Variants in ZNF618 observed in about 807,000 individuals in gnomAD.
ZNF618 encodes zinc finger protein 618.
Under a neutral mutation model 103.0 loss-of-function variants are expected in ZNF618, and 34 were observed. The ratio of observed to expected loss-of-function variants is 0.33; its 90% CI spans 0.25 to 0.44. ZNF618 has a LOEUF of 0.44. ZNF618 is among the 20% of genes least tolerant of loss of function. The pLI is 1.00. For missense variants in ZNF618, 1,059 were observed against 1,295.4 expected (o/e 0.82, Z 2.80); for synonymous variants, 551 against 542.2 (o/e 1.02, Z -0.23).
At chr9:113,987,223 G>A (rs1257300855) in intron 2 of ZNF618, among the ~76,000 whole-genome samples, 1 of 152,154 alleles carries the variant, frequency 6.6e-6, no homozygotes, top group Non-Finnish European at 1.5e-5. Context: ...AGGATGTGGG[G>A]CCCTTAGGAT....
chr9:113,999,152 A>G (rs746767849), intron 4 of ZNF618, among the ~76,000 whole-genome samples: 8 of 152,202 alleles, frequency 5.3e-5, no homozygotes, highest in Non-Finnish European at 1.0e-4. Flanking sequence ...CCCTGGCCCC[A>G]TCACAAAGGG....
intron 3 of ZNF618, among the ~76,000 whole-genome samples, chr9:113,991,089 T>G (rs1840017623): frequency 6.6e-6 from 1 of 152,202 alleles, no homozygotes; most frequent in Non-Finnish European, 1.5e-5. Context: ...CAGTCTGGAT[T>G]CAGTGGGGAA....
At chr9:113,939,515 T>C (rs1052108529) in intron 1 of ZNF618, among the ~76,000 whole-genome samples, 3 of 152,166 alleles carry the variant, frequency 2.0e-5, no homozygotes, top group Non-Finnish European at 4.4e-5. Flanking sequence ...TAACAAGAAT[T>C]GGAATGGTCT....
intron 1 of ZNF618, among the ~76,000 whole-genome samples, chr9:113,912,923 G>T (rs1031660592): frequency 6.6e-6 from 1 of 152,114 alleles, no homozygotes; most frequent in Non-Finnish European, 1.5e-5. Flanking sequence ...TTGTACCAGG[G>T]AACCTTGGGC....
chr9:113,886,331 G>A (rs1829068421), intron 1 of ZNF618, among the ~76,000 whole-genome samples: 1 of 152,312 alleles, frequency 6.6e-6, no homozygotes, highest in East Asian at 1.9e-4. Flanking sequence ...GGGGGACTAA[G>A]GGTGGGAATT....
chr9:113,941,382 C>T (rs1834534132), intron 1 of ZNF618, among the ~76,000 whole-genome samples: 1 of 152,108 alleles, frequency 6.6e-6, no homozygotes, highest in Admixed American at 6.6e-5. Flanking sequence ...TTTCCAGTTA[C>T]TGTTTAGACT....
rs117919700 is a variant in ZNF618 at position 114,048,547 on chromosome 9, A to G, written c.1349-104A>G. ...CCCATGTGTGTGCAAGAGGAAATAT[A>G]TTTGCCATTCCCAATACTAGATGTT... On this transcript the variant is annotated intron_variant, in intron 14 of 14. Transcript: ENST00000374126. 9,964 of 1,232,150 alleles carry G rather than the reference A, an allele frequency of 8.1e-3. 59 individuals are homozygous for G. Among genetic ancestry groups the G allele is most frequent in the Non-Finnish European group, 0.011 (9,339 of 883,140 alleles). 76.3% of individuals were successfully genotyped at this position (1,232,150 alleles called of 1,614,324 possible).
rs946789096 is a variant in ZNF618 at position 114,051,652 on chromosome 9, C to T, written c.*1485C>T. 2.0e-5 allele frequency: 3 copies of T among 152,304 alleles called. No individual in the cohort carries two copies. The highest frequency in any genetic ancestry group is 2.9e-5 in the Non-Finnish European group (2 of 68,100). The allele number at this position is 152,304 out of a possible 1,614,324, so 9.4% of individuals were successfully genotyped here. On this transcript the variant is annotated 3_prime_UTR_variant, in exon 15 of 15. Transcript: ENST00000374126. ...TCACTCACACCTCCGACTTCCAGGA[C>T]GGCAGTGAGCATGGTGCCTTGTGGC... is the stretch of plus-strand genomic sequence containing the variant.
chr9:114,002,104 G>A (rs781524462), intron 5 of ZNF618, 31 bp downstream of exon 5: 7 of 1,597,772 alleles, frequency 4.4e-6, no homozygotes, highest in Non-Finnish European at 6.0e-6. Flanking sequence ...GCAGAGCCCA[G>A]GGGCCGCACC....
chr9:114,048,885 G>T lies in ZNF618; in HGVS notation c.1583G>T (p.Arg528Leu). 1.2e-6 allele frequency: 2 copies of T among 1,608,536 alleles called. No individual in the cohort carries two copies. Among genetic ancestry groups the T allele is most frequent in the Non-Finnish European group, 1.7e-6 (2 of 1,177,372 alleles). ...FNTLALKHLP[R>L]MYNQVKVKVT... is the part of the protein sequence containing the mutation. ...ACGCTGGCGCTGAAGCACCTGCCAC[G>T]CATGTACAACCAGGTGAAGGTGAAA... The change falls in exon 15 of 15, where the codon CGC becomes CTC. Residue 528 changes from arginine to leucine, a missense_variant. This residue lies in a region of ZNF618 where 272 missense variants were observed against 380.1 expected (regional missense o/e 0.72). Coordinates refer to ENST00000374126, the MANE Select transcript of ZNF618 (RefSeq NM_001318042.2).
Position 113,951,517 on chromosome 9 carries a change from A to G in ZNF618, c.34-17600A>G, listed in dbSNP as rs924721820. On this transcript the variant is annotated intron_variant, in intron 1 of 14. Coordinates refer to ENST00000374126, the MANE Select transcript of ZNF618 (RefSeq NM_001318042.2). ...TGTATGTGTACACATATATGTGTGT[A>G]TATGTACACATATGTGTGTACATAT... Among the ~76,000 whole-genome samples, 9 of 41,748 alleles carry G rather than the reference A, an allele frequency of 2.2e-4. 1 individual carries two copies. The highest frequency in any genetic ancestry group is 7.1e-4 in the Admixed American group (2 of 2,820). 27.4% of individuals were successfully genotyped at this position (41,748 alleles called of 152,430 possible).
At chr9:113,987,660 C>T (rs1839615357) in intron 2 of ZNF618, among the ~76,000 whole-genome samples, 1 of 152,224 alleles carries the variant, frequency 6.6e-6, no homozygotes, top group Admixed American at 6.5e-5. Context: ...GTTTGAGGCC[C>T]AGCAGCCCTG....
At chr9:113,998,226 T>TA (rs1279186245) in intron 3 of ZNF618, 33 bp from the exon 4 acceptor site, 4 of 1,547,332 alleles carry the variant, frequency 2.6e-6, no homozygotes, top group Middle Eastern at 3.3e-4. Flanking sequence ...TCTCCAACTT[T>TA]AAGGGCTCTT....
At chr9:114,026,346 T>C (rs937011902) in intron 10 of ZNF618, among the ~76,000 whole-genome samples, 2 of 152,206 alleles carry the variant, frequency 1.3e-5, no homozygotes, top group Non-Finnish European at 2.9e-5. Context: ...TATGATACCA[T>C]GTGCTTTATG....
intron 10 of ZNF618, among the ~76,000 whole-genome samples, chr9:114,027,004 C>T (rs1255063354): frequency 6.6e-6 from 1 of 152,124 alleles, no homozygotes; most frequent in Non-Finnish European, 1.5e-5. Context: ...GAATAACCAG[C>T]TGTGGTCCCC....
intron 4 of ZNF618, among the ~76,000 whole-genome samples, chr9:114,000,590 T>C (rs893546505): frequency 8.7e-5 from 13 of 149,116 alleles, no homozygotes; most frequent in Non-Finnish European, 1.8e-4. Flanking sequence ...TGGACCCCCC[T>C]GAGCTAAGGG....
intron 2 of ZNF618, among the ~76,000 whole-genome samples, chr9:113,973,516 G>A (rs948555713): frequency 2.0e-4 from 31 of 152,314 alleles, no homozygotes; most frequent in African/African-American, 5.8e-4. Context: ...AGAAACAACC[G>A]AATGTGGTTT....
In ZNF618 at chr9:114,052,931, ATTCAATAC is replaced by A. The variant is rs1455689889; in HGVS notation, c.*2767_*2774del. The stretch of plus-strand genomic sequence containing the variant: ...TCCCTTTCACTTCTTTTCCACCTCA[ATTCAATAC>A]TTAGGGGTTGGCTTGCCTCTGCAGG... On this transcript the variant is annotated 3_prime_UTR_variant, in exon 15 of 15. Coordinates refer to ENST00000374126, the MANE Select transcript of ZNF618 (RefSeq NM_001318042.2). 1 of 152,146 alleles carries A rather than the reference ATTCAATAC, an allele frequency of 6.6e-6. No homozygotes were observed. Among genetic ancestry groups the A allele is most frequent in the East Asian group, 1.9e-4 (1 of 5,186 alleles). The allele number at this position is 152,146 out of a possible 1,614,324, so 9.4% of individuals were successfully genotyped here.
At position 114,020,524 on chromosome 9, in the gene ZNF618, C is replaced by T. The variant is rs1487215071; in HGVS notation, c.844+3740C>T. 4.6e-5 allele frequency among the ~76,000 whole-genome samples: 7 copies of T among 152,202 alleles called. No homozygotes were observed. In the South Asian group the frequency reaches 8.3e-4, roughly 18 times the overall value. On this transcript the variant is annotated intron_variant, in intron 10 of 14. Coordinates refer to ENST00000374126, the MANE Select transcript of ZNF618 (RefSeq NM_001318042.2). Reference sequence around the variant, plus strand: ...GTTTGTACTTTTCAGAGAAGTCTTGCACATATTTCATTCCATATCTCCAAG... The same window carrying T: ...GTTTGTACTTTTCAGAGAAGTCTTGTACATATTTCATTCCATATCTCCAAG...
Sources: allele counts gnomAD v4.1 joint callset (sites outside exome capture counted in the v4.1 genomes callset), GRCh38; gene constraint gnomAD v4.1.1; regional missense constraint gnomAD v4.1.1; transcripts MANE v1.5; gene names NCBI Gene and HGNC (gene_info 2026-07-23, HGNC 2026-07-21).